OTOGL: variants seen among roughly 807,000 people sequenced by gnomAD.
OTOGL encodes otogelin like.
In OTOGL, 285 loss-of-function variants were observed where a neutral mutation model predicts 318.5. The ratio of observed to expected loss-of-function variants is 0.89; its 90% CI spans 0.81 to 0.99. The LOEUF (loss-of-function observed/expected upper bound fraction) is 0.99. OTOGL is among the 50% of genes least tolerant of loss of function. The pLI is 0.00. For missense variants in OTOGL, 2,899 were observed against 2,845.6 expected, an observed-to-expected ratio of 1.02 and a Z score of -0.43; for synonymous variants, 987 against 936.5, an observed-to-expected ratio of 1.05 and a Z score of -0.99.
chr12:80,263,177 T>G (rs998447458), intron 19 of OTOGL, among the ~76,000 whole-genome samples: 1 of 152,068 alleles, frequency 6.6e-6, no homozygotes, highest in East Asian at 1.9e-4. Context: ...AGACTAGAGT[T>G]TTTTAGTTTC....
chr12:80,363,539 GGGAAGAGA>G (rs1890354395), intron 52 of OTOGL, among the ~76,000 whole-genome samples: 1 of 12,594 alleles, frequency 7.9e-5, no homozygotes. Flanking sequence ...GTTGGGGAGT[GGGAAGAGA>G]GAGAGAAAGA....
At chr12:80,307,881 C>T (rs1479443981) in intron 29 of OTOGL, among the ~76,000 whole-genome samples, 7 of 134,772 alleles carry the variant, frequency 5.2e-5, no homozygotes, top group Non-Finnish European at 7.8e-5. Flanking sequence ...ACCCCCCCAC[C>T]TCCCTCCCTC....
Position 80,328,688 on chromosome 12 carries a change from G to A in OTOGL, c.4223G>A (p.Cys1408Tyr). 1 of 1,604,668 alleles carries A rather than the reference G, an allele frequency of 6.2e-7. No individual in the cohort carries two copies. Among genetic ancestry groups the A allele is most frequent in the Non-Finnish European group, 8.5e-7 (1 of 1,172,184 alleles). The part of the protein sequence containing the change: ...LPPVEGCLPY[C>Y]PKNMILDEVT... ...AGGGTTGAAGGATGCTTGCCCTACT[G>A]CCCTAAAAATATGATCCTTGATGAG... Residue 1408 changes from cysteine to tyrosine, a missense_variant, in exon 36 of 59, where the codon TGC (cysteine) becomes TAC (tyrosine). Cys to Tyr is a radical substitution (Grantham distance 194). This residue lies in a region of OTOGL where 2,607 missense variants were observed against 2,524.9 expected (regional missense o/e 1.03). Coordinates refer to ENST00000547103, the MANE Select transcript of OTOGL (RefSeq NM_001378609.3).
chr12:80,328,754 A>T lies in OTOGL; in HGVS notation c.4279+10A>T. 2 of 1,574,976 alleles carry T rather than the reference A, an allele frequency of 1.3e-6. No homozygotes were observed. Among genetic ancestry groups the T allele is most frequent in the Non-Finnish European group, 1.7e-6 (2 of 1,146,876 alleles). ...GTTTATCCACGAGACTGTAAGTGTG[A>T]ACGTTGCTTAATTTACTCTGAAAAA... On this transcript the variant is annotated intron_variant, in intron 36 of 58. Coordinates refer to ENST00000547103, the MANE Select transcript of OTOGL (RefSeq NM_001378609.3).
At chr12:80,115,930 T>A (rs374079406) in intron 1 of OTOGL, among the ~76,000 whole-genome samples, 1 of 152,158 alleles carries the variant, frequency 6.6e-6, no homozygotes, top group Non-Finnish European at 1.5e-5. Flanking sequence ...CAAGTTGACT[T>A]CAGACTGCTG....
chr12:80,285,670 C>A (rs371790184), intron 26 of OTOGL, among the ~76,000 whole-genome samples: 1 of 151,836 alleles, frequency 6.6e-6, no homozygotes. Context: ...TAATTTGGTT[C>A]TCTGTTTATT....
chr12:80,319,334 A>T (rs1455477475), intron 33 of OTOGL, among the ~76,000 whole-genome samples: 1 of 152,202 alleles, frequency 6.6e-6, no homozygotes, highest in Non-Finnish European at 1.5e-5. Context: ...CCTCATGTCT[A>T]CATAAGTCTA....
Position 80,252,134 on chromosome 12 carries a change from C to A in OTOGL, c.1218C>A (p.Thr406=), listed in dbSNP as rs1167581483. ...ACTGTATCAGTTGTTGTCCACCAACCTGCACATTTGAGAAGCAATGTCTTG... is the reference window on the plus strand; with the variant it reads ...ACTGTATCAGTTGTTGTCCACCAACATGCACATTTGAGAAGCAATGTCTTG... ...HRDCISCCPP[T]CTFEKQCLGS... The change falls in exon 13 of 59, where the codon ACC becomes ACA. Residue 406 remains threonine (T), a synonymous_variant. Transcript: ENST00000547103. 3.2e-6 allele frequency: 5 copies of A among 1,574,976 alleles called. No homozygotes were observed. In the African/African-American group the frequency reaches 5.4e-5, roughly 17 times the overall value.
intron 1 of OTOGL, chr12:80,132,557 G>GTTTT (rs1871306113): frequency 6.6e-6 from 1 of 152,152 alleles, no homozygotes; most frequent in Non-Finnish European, 1.5e-5. Flanking sequence ...GGAGCTAAAT[G>GTTTT]TTTTAGACAG....
At chr12:80,219,790 C>CTTTTTTTTTTTT in intron 5 of OTOGL, 24 bp from the exon 6 acceptor site, 1 of 1,201,528 alleles carries the variant, frequency 8.3e-7, no homozygotes, top group African/African-American at 1.6e-5. Context: ...CAGAAGATAA[C>CTTTTTTTTTTTT]TTTTTTTTTT....
At position 80,339,105 on chromosome 12, in the gene OTOGL, C is replaced by A; in HGVS notation, c.4891C>A (p.Pro1631Thr). Residue 1631 changes from proline to threonine, a missense_variant, in exon 43 of 59, where the codon CCC becomes ACC. Physicochemically the swap from Pro to Thr is conservative, Grantham distance 38 (BLOSUM62 -1). Transcript: ENST00000547103. ...AGTGGATTCCATTGTTGTGCCTTTG[C>A]CCTTTTCAAGTCAGGAACTGTCCAT... is the stretch of plus-strand genomic sequence containing the variant. ...VEVDSIVVPL[P>T]FSSQELSIED... 1.9e-6 allele frequency: 3 copies of A among 1,610,644 alleles called. No homozygotes were observed. The East Asian group carries it at 6.7e-5, about 36-fold the overall frequency.
chr12:80,128,977 C>G (rs1422881211), intron 1 of OTOGL, among the ~76,000 whole-genome samples: 1 of 152,172 alleles, frequency 6.6e-6, no homozygotes, highest in Non-Finnish European at 1.5e-5. Flanking sequence ...TCCCTGACCC[C>G]TTGTGCTTCC....
At chr12:80,304,304 ATAT>A (rs1248294097) in intron 28 of OTOGL, among the ~76,000 whole-genome samples, 1 of 152,084 alleles carries the variant, frequency 6.6e-6, no homozygotes, top group East Asian at 1.9e-4. Context: ...TTTTTATTAA[ATAT>A]TGTTAGTTTA....
At chr12:80,158,708 T>A (rs1423939791) in intron 1 of OTOGL, among the ~76,000 whole-genome samples, 1 of 152,108 alleles carries the variant, frequency 6.6e-6, no homozygotes, top group East Asian at 1.9e-4. Context: ...TCTGAATTCA[T>A]TTATCAGTTC....
intron 45 of OTOGL, among the ~76,000 whole-genome samples, chr12:80,352,987 C>T (rs532724934): frequency 6.6e-6 from 1 of 152,260 alleles, no homozygotes; most frequent in African/African-American, 2.4e-5. Context: ...TCTGAGTAGA[C>T]TGTTATCATA....
intron 1 of OTOGL, among the ~76,000 whole-genome samples, chr12:80,162,892 C>A (rs1014356314): frequency 6.6e-6 from 1 of 151,922 alleles, no homozygotes; most frequent in African/African-American, 2.4e-5. Context: ...ACCCCTTGCC[C>A]CCACTGCTGA....
chr12:80,302,000 T>G (rs1885796411), intron 27 of OTOGL, among the ~76,000 whole-genome samples: 1 of 152,210 alleles, frequency 6.6e-6, no homozygotes, highest in Non-Finnish European at 1.5e-5. Context: ...AGATAGAAGA[T>G]TCCTTCTTAC....
At position 80,380,107 on chromosome 12, in the gene OTOGL, C is replaced by A. The variant is rs1566029195; in HGVS notation, c.*2059C>A. 1 of 151,992 alleles carries A rather than the reference C, an allele frequency of 6.6e-6. No individual in the cohort carries two copies. The highest frequency in any genetic ancestry group is 2.4e-5 in the African/African-American group (1 of 41,420). 9.4% of individuals were successfully genotyped at this position (151,992 alleles called of 1,614,324 possible). A position where few individuals can be genotyped will look rare whatever the true frequency, so the allele number is the denominator to read the frequency against. On this transcript the variant is annotated 3_prime_UTR_variant, in exon 59 of 59. Coordinates refer to ENST00000547103, the MANE Select transcript of OTOGL (RefSeq NM_001378609.3). ...AGATAAAGAAAAATTTGAATTCATACATCCATTGACATTAGGATAACCTCC... is the reference window on the plus strand; with the variant it reads ...AGATAAAGAAAAATTTGAATTCATAAATCCATTGACATTAGGATAACCTCC...
At chr12:80,242,267 C>T (rs1880447087) in intron 11 of OTOGL, among the ~76,000 whole-genome samples, 1 of 152,060 alleles carries the variant, frequency 6.6e-6, no homozygotes, top group Non-Finnish European at 1.5e-5. Context: ...GATGCTTTCT[C>T]CAGGGAAAAC....
Sources: gnomAD v4.1 joint callset for allele counts (sites outside exome capture counted in the v4.1 genomes callset) on GRCh38, gnomAD v4.1.1 for gene constraint, gnomAD v4.1.1 regional missense constraint, MANE v1.5 for transcripts, NCBI Gene and HGNC (gene_info 2026-07-23, HGNC 2026-07-21) for gene names.